The following C2CD2 variants were observed in gnomAD, a reference collection of about 807,000 sequenced individuals.
C2CD2 encodes C2 domain-containing protein 2.
Under a neutral mutation model 74.3 loss-of-function variants are expected in C2CD2, and 43 were observed. The ratio of observed to expected loss-of-function variants is 0.58; its 90% CI spans 0.45 to 0.75. The LOEUF (loss-of-function observed/expected upper bound fraction) is 0.75. Ranked by LOEUF, C2CD2 falls within the 30% of genes least tolerant of loss-of-function variation. The pLI is 0.00. For synonymous variants in C2CD2, 422 were observed against 390.7 expected (o/e 1.08, Z -0.94); for missense variants, 801 against 916.3 (o/e 0.87, Z 1.63).
At position 41,926,440 on chromosome 21, in the gene C2CD2, C is replaced by T. The variant is rs529771161; in HGVS notation, c.379-4355G>A. 3.6e-5 allele frequency: 35 copies of T among 977,800 alleles called. No homozygotes were observed. In the Admixed American group the frequency reaches 5.6e-4, roughly 16 times the overall value. 60.6% of individuals were successfully genotyped at this position (977,800 alleles called of 1,614,324 possible). A position where few individuals can be genotyped will look rare whatever the true frequency, so the allele number is the denominator to read the frequency against. ...AGGGTTTGGGTCGGGGAGCCCTGGG[C>T]AGCAGATGGAAGCACCACGGGGAGG... On this transcript the variant is annotated intron_variant, in intron 2 of 13. Coordinates refer to ENST00000380486, the MANE Select transcript of C2CD2 (RefSeq NM_015500.2). This position sits in a 1 kb window ranked among gnomAD's most constrained non-coding sequence, Gnocchi z 8.0.
At position 41,885,396 on chromosome 21, in the gene C2CD2, T is replaced by C. The variant is rs1472668489; in HGVS notation, c.*3728A>G. ...GTAAACAACAAACCACAAGCCTAAA[T>C]GATGAATGGTGCGCTGCTGCCCAGC... is the stretch of plus-strand genomic sequence containing the variant. On this transcript the variant is annotated 3_prime_UTR_variant, in exon 14 of 14. Transcript: ENST00000380486. The C allele has an allele frequency of 6.6e-6, 1 of 152,598 alleles. No individual in the cohort carries two copies. The highest frequency in any genetic ancestry group is 1.5e-5 in the Non-Finnish European group (1 of 68,032). 9.5% of individuals were successfully genotyped at this position (152,598 alleles called of 1,614,324 possible). A position where few individuals can be genotyped will look rare whatever the true frequency, so the allele number is the denominator to read the frequency against.
At chr21:41,907,915 G>A (rs542277141) in intron 8 of C2CD2, 131 bp from the exon 9 acceptor site, 23 of 874,006 alleles carry the variant, frequency 2.6e-5, no homozygotes, top group East Asian at 2.5e-4. Flanking sequence ...AAGTGCTCAC[G>A]TTTCAGAATG....
Position 41,926,584 on chromosome 21 carries a change from C to T in C2CD2, c.379-4499G>A, listed in dbSNP as rs773356416. ...TGTAGTCACATACCTATGCAAACAG[C>T]GCTTATCTGGAAACTATTCCTTTGT... On this transcript the variant is annotated intron_variant, in intron 2 of 13. Coordinates refer to ENST00000380486, the MANE Select transcript of C2CD2 (RefSeq NM_015500.2). The surrounding 1 kb of genome is among the most constrained non-coding windows in gnomAD (Gnocchi z 8.0). 297 of 971,654 alleles carry T rather than the reference C, an allele frequency of 3.1e-4. 1 individual carries two copies. Among genetic ancestry groups the T allele is most frequent in the Non-Finnish European group, 3.1e-4 (254 of 817,556 alleles). 60.2% of individuals were successfully genotyped at this position (971,654 alleles called of 1,614,324 possible). A position where few individuals can be genotyped will look rare whatever the true frequency, so the allele number is the denominator to read the frequency against.
rs1180516620 is a variant in C2CD2, at chr21:41,944,476, C to G, written c.280-2231G>C. 8.4e-5 allele frequency among the ~76,000 whole-genome samples: 11 copies of G among 131,484 alleles called. No individual in the cohort carries two copies. In the Admixed American group the frequency reaches 1.0e-3, roughly 12 times the overall value. The allele number at this position is 131,484 out of a possible 152,430, so 86.3% of individuals were successfully genotyped here. A position where few individuals can be genotyped will look rare whatever the true frequency, so the allele number is the denominator to read the frequency against. On this transcript the variant is annotated intron_variant, in intron 1 of 13. Coordinates refer to ENST00000380486, the MANE Select transcript of C2CD2 (RefSeq NM_015500.2). ...GGCAGACCTTGCAGTGAGCCGAGAT[C>G]ATGCCACTGCACTTGAGCCTGGGCG... is the stretch of plus-strand genomic sequence containing the variant.
At chr21:41,950,056 G>A (rs879291414) in intron 1 of C2CD2, among the ~76,000 whole-genome samples, 6 of 152,040 alleles carry the variant, frequency 3.9e-5, no homozygotes, top group South Asian at 2.1e-4. Flanking sequence ...GTTGATGGGT[G>A]CAGCAAACCA....
intron 2 of C2CD2, among the ~76,000 whole-genome samples, chr21:41,928,250 G>T (rs986590776): frequency 2.0e-5 from 3 of 152,150 alleles, no homozygotes; most frequent in African/African-American, 7.2e-5. Context: ...GAAACCTCGG[G>T]GCCACCACAG....
intron 1 of C2CD2, among the ~76,000 whole-genome samples, chr21:41,949,945 A>G (rs996525349): frequency 1.3e-5 from 2 of 152,208 alleles, no homozygotes; most frequent in African/African-American, 2.4e-5. Flanking sequence ...CAATGAGAAC[A>G]CATGGACACA....
In C2CD2 at chr21:41,916,475, T is replaced by C. The variant is rs570363046; in HGVS notation, c.720+1630A>G. 3.3e-5 allele frequency among the ~76,000 whole-genome samples: 5 copies of C among 152,238 alleles called. No individual in the cohort carries two copies. The South Asian group carries it at 1.0e-3, about 32-fold the overall frequency. On this transcript the variant is annotated intron_variant, in intron 5 of 13. Transcript: ENST00000380486. The stretch of plus-strand genomic sequence containing the variant: ...AGGGGCCTTTTCCTGCCTTCAGACT[T>C]GGACTGAAACAGTGACTCTTCATGG...
chr21:41,903,866 C>A lies in C2CD2; in HGVS notation c.1432+1858G>T, dbSNP rs1299781164. ...GGGATCCTGCCCACGTGACAGGACC[C>A]CGCAGCATGGGCAGTGGGGGCACTG... On this transcript the variant is annotated intron_variant, in intron 11 of 13. Transcript: ENST00000380486. The surrounding 1 kb of genome is among the most constrained non-coding windows in gnomAD (Gnocchi z 4.5). Among the ~76,000 whole-genome samples, 2 of 152,264 alleles carry A rather than the reference C, an allele frequency of 1.3e-5. No homozygotes were observed. The highest frequency in any genetic ancestry group is 2.1e-4 in the South Asian group (1 of 4,820).
intron 2 of C2CD2, among the ~76,000 whole-genome samples, chr21:41,925,104 G>C (rs957793455): frequency 6.6e-6 from 1 of 152,106 alleles, no homozygotes; most frequent in Admixed American, 6.5e-5. Flanking sequence ...CCCAACCCTA[G>C]GGCTTCGCTA....
intron 13 of C2CD2, among the ~76,000 whole-genome samples, chr21:41,893,001 A>G (rs1301126396): frequency 6.6e-6 from 1 of 152,214 alleles, no homozygotes; most frequent in Non-Finnish European, 1.5e-5. Context: ...GGCTGTGTTC[A>G]AAAGACCTTA....
chr21:41,907,818 T>A (rs2064982163), intron 8 of C2CD2, 34 bp from the exon 9 acceptor site: 1 of 1,613,366 alleles, frequency 6.2e-7, no homozygotes, highest in South Asian at 1.1e-5. Context: ...GGGGTGCCGC[T>A]GATGTTTCCC....
intron 8 of C2CD2, chr21:41,908,261 G>GTGTGTGTGTGTGTGTGTGTT: frequency 5.5e-6 from 1 of 181,112 alleles, no homozygotes; most frequent in Non-Finnish European, 1.1e-5. Context: ...GTGTGTGTGT[G>GTGTGTGTGTGTGTGTGTGTT]TAAAAGAAAA....
At chr21:41,912,224 T>C in intron 7 of C2CD2, 108 bp downstream of exon 7, 1 of 623,416 alleles carries the variant, frequency 1.6e-6, no homozygotes, top group Non-Finnish European at 2.9e-6. Flanking sequence ...GTTAACTGTT[T>C]TGGTTTAGTG....
At chr21:41,948,713 C>T (rs1270919038) in intron 1 of C2CD2, among the ~76,000 whole-genome samples, 4 of 152,012 alleles carry the variant, frequency 2.6e-5, no homozygotes, top group Non-Finnish European at 5.9e-5. Flanking sequence ...CAGCCACTGT[C>T]ATTGGTCAAG....
At chr21:41,900,483 C>A (rs545312) in intron 12 of C2CD2, among the ~76,000 whole-genome samples, 30,552 of 152,128 alleles carry the variant, frequency 0.2, 3,403 homozygotes, top group Middle Eastern at 0.39. Flanking sequence ...AACCCAACTA[C>A]TGGGCCCCGG....
Position 41,926,051 on chromosome 21 carries a change from A to T in C2CD2, c.379-3966T>A, listed in dbSNP as rs1408582949. On this transcript the variant is annotated intron_variant, in intron 2 of 13. Transcript: ENST00000380486. The surrounding 1 kb of genome is among the most constrained non-coding windows in gnomAD (Gnocchi z 8.0). ...TTAATACAGGATTTTAAAAAGTTAA[A>T]TAGAAGCAATTATTTGGCATAGGCG... Among the ~76,000 whole-genome samples, 2 of 152,182 alleles carry T rather than the reference A, an allele frequency of 1.3e-5. No homozygotes were observed.
chr21:41,933,118 G>A (rs1464385197), intron 2 of C2CD2, among the ~76,000 whole-genome samples: 1 of 148,722 alleles, frequency 6.7e-6, no homozygotes, highest in Admixed American at 6.7e-5. Flanking sequence ...CATGTCCCTT[G>A]TCAAGGCTGA....
Position 41,903,792 on chromosome 21 carries a change from A to G in C2CD2, c.1432+1932T>C, listed in dbSNP as rs187607732. Among the ~76,000 whole-genome samples, 2 of 152,042 alleles carry G rather than the reference A, an allele frequency of 1.3e-5. No homozygotes were observed. The highest frequency in any genetic ancestry group is 3.9e-4 in the East Asian group (2 of 5,132). ...GTGAGCCTGGGGGCCGGCTCCATGG[A>G]CCATGCATCAGAACCCACAGTGGGA... On this transcript the variant is annotated intron_variant, in intron 11 of 13. Coordinates refer to ENST00000380486, the MANE Select transcript of C2CD2 (RefSeq NM_015500.2). The surrounding 1 kb of genome is among the most constrained non-coding windows in gnomAD (Gnocchi z 4.5).
Sources: gnomAD v4.1 joint callset for allele counts (sites outside exome capture counted in the v4.1 genomes callset) on GRCh38, gnomAD v4.1.1 for gene constraint, Gnocchi (gnomAD v3.1) non-coding constraint, MANE v1.5 for transcripts, NCBI Gene and HGNC (gene_info 2026-07-23, HGNC 2026-07-21) for gene names.